TCF4: variants seen among roughly 807,000 people sequenced by gnomAD.
The protein encoded by TCF4 is transcription factor 4, also known as SL3-3 enhancer factor 2.
In TCF4, 3 loss-of-function variants were observed where a neutral mutation model predicts 82.1. That is an observed-to-expected ratio of 0.04 (90% CI 0.02 to 0.09). The LOEUF (loss-of-function observed/expected upper bound fraction) is 0.09, where lower values mean the gene tolerates loss of function less well. TCF4 is among the 10% of genes least tolerant of loss of function. The pLI is 1.00. For missense variants in TCF4, 518 were observed against 852.7 expected (o/e 0.61, Z 4.89); for synonymous variants, 276 against 309.6 (o/e 0.89, Z 1.14).
At chr18:55,394,959 T>C (rs2093404352) in intron 6 of TCF4, among the ~76,000 whole-genome samples, 1 of 152,228 alleles carries the variant, frequency 6.6e-6, no homozygotes, top group South Asian at 2.1e-4. Context: ...AAGTCTTTTT[T>C]TCTGAAGTCC....
At chr18:55,589,935 C>A, upstream of TCF4, 1 of 657,902 alleles carries the variant, frequency 1.5e-6, no homozygotes, top group South Asian at 6.8e-5. Flanking sequence ...TGCTGGTCGA[C>A]CACGCCTCCT....
intron 2 of TCF4, among the ~76,000 whole-genome samples, chr18:55,616,794 T>G (rs929514447): frequency 7.9e-5 from 12 of 152,122 alleles, no homozygotes; most frequent in African/African-American, 2.9e-4. Context: ...AAGTACTTTT[T>G]CTTGCTATTG....
intron 6 of TCF4, among the ~76,000 whole-genome samples, chr18:55,381,522 T>G (rs2091896426): frequency 6.6e-6 from 1 of 152,250 alleles, no homozygotes; most frequent in Non-Finnish European, 1.5e-5. Context: ...TACTGCAGCA[T>G]AAAGTGTGGC....
At chr18:55,631,984 C>T (rs908086832) in intron 1 of TCF4, among the ~76,000 whole-genome samples, 1 of 152,122 alleles carries the variant, frequency 6.6e-6, no homozygotes, top group African/African-American at 2.4e-5. Flanking sequence ...TCCTTCCATG[C>T]CTCAATGCCC....
chr18:55,624,056 GATTT>G (rs1383415623), intron 2 of TCF4, among the ~76,000 whole-genome samples: 4 of 152,078 alleles, frequency 2.6e-5, no homozygotes, highest in Non-Finnish European at 5.9e-5. Context: ...TTATCCAAAG[GATTT>G]ATTAAATTGC....
chr18:55,411,505 A>G (rs2094343416), intron 5 of TCF4, among the ~76,000 whole-genome samples: 1 of 152,228 alleles, frequency 6.6e-6, no homozygotes, highest in Admixed American at 6.5e-5. Context: ...AATACATGCT[A>G]AAGGTGTCAA....
Position 55,399,829 on chromosome 18 carries a change from TTC to T in TCF4, c.369+3623_369+3624del, listed in dbSNP as rs147568400. The stretch of plus-strand genomic sequence containing the variant: ...ATTGGTCTCAGATAGGCAGCTTTCT[TTC>T]TCTCTCTCTCTCTCTCTCCCCATCT... On this transcript the variant is annotated intron_variant, in intron 6 of 19. Coordinates refer to ENST00000354452, the MANE Select transcript of TCF4 (RefSeq NM_001083962.2). 2.6e-4 allele frequency among the ~76,000 whole-genome samples: 21 copies of T among 80,668 alleles called. 1 individual carries two copies. The highest frequency in any genetic ancestry group is 5.0e-4 in the Non-Finnish European group (18 of 36,142). The allele number at this position is 80,668 out of a possible 152,430, so 52.9% of individuals were successfully genotyped here.
intron 2 of TCF4, among the ~76,000 whole-genome samples, chr18:55,620,664 C>A (rs1376617032): frequency 2.0e-5 from 3 of 152,210 alleles, no homozygotes; most frequent in Non-Finnish European, 4.4e-5. Context: ...CACTGCAGAT[C>A]TGAAACTGCC....
At chr18:55,451,343 G>C (rs1387074801) in intron 5 of TCF4, among the ~76,000 whole-genome samples, 1 of 152,196 alleles carries the variant, frequency 6.6e-6, no homozygotes. Context: ...GAGCCTGGGA[G>C]GGGTGGGCCA....
At chr18:55,342,452 C>T (rs567198845) in intron 8 of TCF4, among the ~76,000 whole-genome samples, 184 of 152,128 alleles carry the variant, frequency 1.2e-3, no homozygotes, top group Non-Finnish European at 2.3e-3. Flanking sequence ...GGCAGAATTT[C>T]GAATTTATTT....
intron 5 of TCF4, among the ~76,000 whole-genome samples, chr18:55,440,271 G>C (rs569970395): frequency 6.6e-6 from 1 of 152,182 alleles, no homozygotes; most frequent in East Asian, 1.9e-4. Context: ...AAGTGATGCG[G>C]GTATGTTTTT....
At chr18:55,477,230 G>A (rs1050546653) in intron 3 of TCF4, among the ~76,000 whole-genome samples, 3 of 152,104 alleles carry the variant, frequency 2.0e-5, no homozygotes, top group African/African-American at 7.2e-5. Context: ...TTGGGATCAA[G>A]AGAAGTTACC....
At chr18:55,520,986 T>C (rs1421945031) in intron 3 of TCF4, among the ~76,000 whole-genome samples, 2 of 152,188 alleles carry the variant, frequency 1.3e-5, no homozygotes, top group Admixed American at 6.6e-5. Context: ...TGGTATCTTT[T>C]CCTTTTCTCA....
chr18:55,579,244 T>C (rs1298853249), intron 3 of TCF4, among the ~76,000 whole-genome samples: 1 of 151,820 alleles, frequency 6.6e-6, no homozygotes, highest in Non-Finnish European at 1.5e-5. Flanking sequence ...CCTAGTCAAT[T>C]GGCTCACGAA....
At chr18:55,586,254 G>A (rs2097650241) in intron 2 of TCF4, 1 of 1,013,334 alleles carries the variant, frequency 9.9e-7, no homozygotes, top group Non-Finnish European at 1.5e-6. Flanking sequence ...TTGGAAGGCG[G>A]TTTGGATTTT....
intron 2 of TCF4, among the ~76,000 whole-genome samples, chr18:55,604,864 A>G (rs999317704): frequency 6.6e-6 from 1 of 152,164 alleles, no homozygotes; most frequent in East Asian, 1.9e-4. Flanking sequence ...AGAAGTGGGG[A>G]TGGTCGGCAA....
At chr18:55,553,584 T>C (rs183051497) in intron 3 of TCF4, among the ~76,000 whole-genome samples, 9 of 152,342 alleles carry the variant, frequency 5.9e-5, no homozygotes, top group Admixed American at 2.0e-4. Flanking sequence ...TCCCTGTGTT[T>C]ATGTATTTAC....
intron 2 of TCF4, among the ~76,000 whole-genome samples, chr18:55,611,432 A>G (rs2097706885): frequency 6.6e-6 from 1 of 151,996 alleles, no homozygotes. Context: ...ATTTTTCTTC[A>G]ACTATCACCA....
chr18:55,497,275 A>G (rs1283680218), intron 3 of TCF4, among the ~76,000 whole-genome samples: 1 of 152,240 alleles, frequency 6.6e-6, no homozygotes, highest in African/African-American at 2.4e-5. Flanking sequence ...CCAATTTAAC[A>G]AAAACATTTA....
Sources: gnomAD v4.1 joint callset for allele counts (sites outside exome capture counted in the v4.1 genomes callset) on GRCh38, gnomAD v4.1.1 for gene constraint, MANE v1.5 for transcripts, NCBI Gene and HGNC (gene_info 2026-07-23, HGNC 2026-07-21) for gene names.